PRLH: variants seen among roughly 807,000 people sequenced by gnomAD.
PRLH encodes the protein prolactin releasing hormone.
In PRLH, 6 loss-of-function variants were observed where a neutral mutation model predicts 3.2. That is an observed-to-expected ratio of 1.86 (90% CI 1.02 to 3.66). The LOEUF is 3.66. Ranked by LOEUF, PRLH falls within the 30% of genes most tolerant of loss-of-function variation. The pLI is 0.00. For missense variants in PRLH, 145 were observed against 122.6 expected (o/e 1.18, Z -0.86); for synonymous variants, 65 against 51.1 (o/e 1.27, Z -1.16).
At position 237,566,599 on chromosome 2, in the gene PRLH, T is replaced by C. The variant is rs754878996; in HGVS notation, c.26T>C (p.Leu9Pro). ...ATGAAGGTGCTGAGGGCCTGGCTCC[T>C]GTGCCTGCTGATGCTGGGCCTGGCC... Reference protein sequence around the residue: MKVLRAWLLCLLMLGLALR... With the variant: MKVLRAWLPCLLMLGLALR... The change falls in exon 1 of 2, where the codon CTG becomes CCG. Residue 9 changes from leucine to proline, a missense_variant. Leu to Pro is a moderately conservative substitution (Grantham distance 98). Transcript: ENST00000165524. 2 of 1,579,406 alleles carry C rather than the reference T, an allele frequency of 1.3e-6. No individual in the cohort carries two copies. The highest frequency in any genetic ancestry group is 1.7e-6 in the Non-Finnish European group (2 of 1,164,132).
At chr2:237,566,781 G>A (rs978317298) in intron 1 of PRLH, 108 bp downstream of exon 1, 3 of 1,231,258 alleles carry the variant, frequency 2.4e-6, no homozygotes, top group African/African-American at 3.0e-5. Flanking sequence ...TGCGCGGGAG[G>A]AAAGGGAAGT....
chr2:237,566,864 C>T (rs2081194905), intron 1 of PRLH, 148 bp from the exon 2 acceptor site: 1 of 1,281,614 alleles, frequency 7.8e-7, no homozygotes, highest in Non-Finnish European at 1.1e-6. Flanking sequence ...GCCAGAACCT[C>T]TGGGTGCCTG....
intron 1 of PRLH, 43 bp from the exon 2 acceptor site, chr2:237,566,969 G>A (rs752546482): frequency 1.9e-6 from 3 of 1,609,022 alleles, no homozygotes; most frequent in Non-Finnish European, 2.5e-6. Flanking sequence ...AGCACACCCT[G>A]GGGACACGTG....
rs779919303 is a variant in PRLH, at chr2:237,567,121, C to T, written c.210C>T (p.Pro70=). 3.7e-6 allele frequency: 6 copies of T among 1,614,024 alleles called. No individual in the cohort carries two copies. The highest frequency in any genetic ancestry group is 3.3e-5 in the South Asian group (3 of 91,060). The change falls in exon 2 of 2, where the codon CCC becomes CCT. Residue 70 remains proline, a synonymous_variant. Transcript: ENST00000165524. ...ACGTCCCCAAGCCTGGCCTGCGACC[C>T]CGGCTGACCTGCTTCCCCCTGGAAG... ...LGDVPKPGLR[P]RLTCFPLEGG... is the part of the protein sequence containing the mutation.
Position 237,566,692 on chromosome 2 carries a change from G to C in PRLH, c.100+19G>C. 1 of 1,545,352 alleles carries C rather than the reference G, an allele frequency of 6.5e-7. No homozygotes were observed. Among genetic ancestry groups the C allele is most frequent in the Non-Finnish European group, 8.7e-7 (1 of 1,146,084 alleles). ...ATCCGCAGTGAGTGCCTGGACCCCT[G>C]TCAGCCTCCCTTACCCCACCCTGCC... On this transcript the variant is annotated intron_variant, in intron 1 of 1. Transcript: ENST00000165524.
rs568386891 is a variant in PRLH, at chr2:237,567,079, G to A, written c.168G>A (p.Arg56=). The A allele has an allele frequency of 1.5e-5, 25 of 1,614,126 alleles. No homozygotes were observed. In the African/African-American group the frequency reaches 2.0e-4, roughly 13 times the overall value. ...GIRPVGRFGR[R]RATLGDVPKP... is the part of the protein sequence containing the mutation. The stretch of plus-strand genomic sequence containing the variant: ...GGCCTGTGGGCCGCTTCGGTCGGAG[G>A]AGGGCAACCCTGGGGGACGTCCCCA... Residue 56 remains arginine, a synonymous_variant, in exon 2 of 2, where the codon AGG becomes AGA. Coordinates refer to ENST00000165524, the MANE Select transcript of PRLH (RefSeq NM_015893.1).
rs1247526851 is a variant in PRLH, at chr2:237,566,638, C to T, written c.65C>T (p.Ala22Val). The part of the protein sequence containing the change: ...LMLGLALRGA[A>V]SRTHRHSMEI... ...CTGGGCCTGGCCCTGCGGGGAGCTGCAAGTCGTACCCATCGGCACTCCATG... is the reference window on the plus strand; with the variant it reads ...CTGGGCCTGGCCCTGCGGGGAGCTGTAAGTCGTACCCATCGGCACTCCATG... The change falls in exon 1 of 2, where the codon GCA becomes GTA. Residue 22 changes from alanine (A) to valine (V), a missense_variant. By Grantham distance (64) the Ala-to-Val change is moderately conservative. Transcript: ENST00000165524. 1.9e-6 allele frequency: 3 copies of T among 1,572,636 alleles called. No homozygotes were observed. The African/African-American group carries it at 4.0e-5, about 21-fold the overall frequency.
At position 237,566,607 on chromosome 2, in the gene PRLH, C is replaced by T. The variant is rs146528502; in HGVS notation, c.34C>T (p.Leu12=). ...KVLRAWLLCL[L]MLGLALRGAA... is the part of the protein sequence containing the mutation. ...GCTGAGGGCCTGGCTCCTGTGCCTGCTGATGCTGGGCCTGGCCCTGCGGGG... is the reference window on the plus strand; with the variant it reads ...GCTGAGGGCCTGGCTCCTGTGCCTGTTGATGCTGGGCCTGGCCCTGCGGGG... Residue 12 remains leucine (L), a synonymous_variant, in exon 1 of 2, where the codon CTG becomes TTG. Transcript: ENST00000165524. 4 of 1,581,240 alleles carry T rather than the reference C, an allele frequency of 2.5e-6. No homozygotes were observed. The highest frequency in any genetic ancestry group is 3.4e-6 in the Non-Finnish European group (4 of 1,165,150).
intron 1 of PRLH, 53 bp from the exon 2 acceptor site, chr2:237,566,959 A>T: frequency 6.2e-7 from 1 of 1,606,192 alleles, no homozygotes; most frequent in South Asian, 1.1e-5. Flanking sequence ...CTGGGAGCAC[A>T]GCACACCCTG....
rs773211005 is a variant in PRLH, at chr2:237,567,026, C to G, written c.115C>G (p.Pro39Ala). The part of the protein sequence containing the change: ...SMEIRTPDIN[P>A]AWYASRGIRP... ...TTCCTTTCCAGCCCCTGACATCAAT[C>G]CTGCCTGGTACGCCAGTCGCGGGAT... The change falls in exon 2 of 2, where the codon CCT becomes GCT. Residue 39 changes from proline to alanine, a missense_variant. Coordinates refer to ENST00000165524, the MANE Select transcript of PRLH (RefSeq NM_015893.1). 1.5e-5 allele frequency: 25 copies of G among 1,613,980 alleles called. No homozygotes were observed. Among genetic ancestry groups the G allele is most frequent in the Non-Finnish European group, 2.0e-5 (24 of 1,180,000 alleles).
chr2:237,567,035 T>C lies in PRLH; in HGVS notation c.124T>C (p.Tyr42His), dbSNP rs776696083. ...IRTPDINPAW[Y>H]ASRGIRPVGR... is the part of the protein sequence containing the mutation. ...AGCCCCTGACATCAATCCTGCCTGG[T>C]ACGCCAGTCGCGGGATCAGGCCTGT... The change falls in exon 2 of 2, where the codon TAC (tyrosine) becomes CAC (histidine). Residue 42 changes from tyrosine (Y) to histidine (H), a missense_variant. By Grantham distance (83) the Tyr-to-His change is moderately conservative. Transcript: ENST00000165524. 6.2e-7 allele frequency: 1 copy of C among 1,614,098 alleles called. No individual in the cohort carries two copies. The highest frequency in any genetic ancestry group is 1.7e-5 in the Admixed American group (1 of 60,024).
At position 237,567,103 on chromosome 2, in the gene PRLH, C is replaced by G; in HGVS notation, c.192C>G (p.Pro64=). The part of the protein sequence containing the change: ...GRRRATLGDV[P]KPGLRPRLTC... Reference sequence around the variant, plus strand: ...GGAGGGCAACCCTGGGGGACGTCCCCAAGCCTGGCCTGCGACCCCGGCTGA... The same window carrying G: ...GGAGGGCAACCCTGGGGGACGTCCCGAAGCCTGGCCTGCGACCCCGGCTGA... Residue 64 remains proline, a synonymous_variant, in exon 2 of 2, where the codon CCC becomes CCG. Transcript: ENST00000165524. The G allele has an allele frequency of 6.2e-7, 1 of 1,614,098 alleles. No homozygotes were observed. Among genetic ancestry groups the G allele is most frequent in the Non-Finnish European group, 8.5e-7 (1 of 1,180,002 alleles).
chr2:237,567,160 G>A lies in PRLH; in HGVS notation c.249G>A (p.Ser83=), dbSNP rs1479230954. 1 of 1,608,864 alleles carries A rather than the reference G, an allele frequency of 6.2e-7. No individual in the cohort carries two copies. The highest frequency in any genetic ancestry group is 8.5e-7 in the Non-Finnish European group (1 of 1,176,118). Residue 83 remains serine (S), a synonymous_variant, in exon 2 of 2, where the codon TCG becomes TCA. Coordinates refer to ENST00000165524, the MANE Select transcript of PRLH (RefSeq NM_015893.1). ...TCCCCCTGGAAGGCGGTGCTATGTCGTCCCAGGATGGCTGACAGCCAGCTT... is the reference window on the plus strand; with the variant it reads ...TCCCCCTGGAAGGCGGTGCTATGTCATCCCAGGATGGCTGACAGCCAGCTT... The part of the protein sequence containing the change: ...TCFPLEGGAM[S]SQDG
In PRLH at chr2:237,566,631, G is replaced by T; in HGVS notation, c.58G>T (p.Gly20Ter). Residue 20 changes from glycine to a stop codon, truncating the protein, a stop_gained, in exon 1 of 2, where the codon GGA becomes TGA. Transcript: ENST00000165524. LOFTEE classifies it low-confidence loss of function (END_TRUNC). ...CLLMLGLALR[G>*]AASRTHRHSM... ...GCTGATGCTGGGCCTGGCCCTGCGG[G>T]GAGCTGCAAGTCGTACCCATCGGCA... is the stretch of plus-strand genomic sequence containing the variant. 1 of 1,576,258 alleles carries T rather than the reference G, an allele frequency of 6.3e-7. No homozygotes were observed.
chr2:237,567,047 G>C lies in PRLH; in HGVS notation c.136G>C (p.Gly46Arg). The stretch of plus-strand genomic sequence containing the variant: ...CAATCCTGCCTGGTACGCCAGTCGC[G>C]GGATCAGGCCTGTGGGCCGCTTCGG... ...DINPAWYASR[G>R]IRPVGRFGRR... Residue 46 changes from glycine to arginine, a missense_variant, in exon 2 of 2, where the codon GGG (glycine) becomes CGG (arginine). Coordinates refer to ENST00000165524, the MANE Select transcript of PRLH (RefSeq NM_015893.1). 6.2e-7 allele frequency: 1 copy of C among 1,614,130 alleles called. No homozygotes were observed. Among genetic ancestry groups the C allele is most frequent in the Non-Finnish European group, 8.5e-7 (1 of 1,180,004 alleles).
chr2:237,566,785 G>A (rs2081194659), intron 1 of PRLH, 112 bp downstream of exon 1: 2 of 1,214,438 alleles, frequency 1.6e-6, no homozygotes, highest in South Asian at 1.4e-5. Context: ...CGGGAGGAAA[G>A]GGAAGTCAGT....
chr2:237,567,137 C>T lies in PRLH; in HGVS notation c.226C>T (p.Pro76Ser), dbSNP rs771617955. Residue 76 changes from proline to serine, a missense_variant, in exon 2 of 2, where the codon CCC (proline) becomes TCC (serine). Pro to Ser is a moderately conservative substitution (Grantham distance 74, BLOSUM62 -1). Coordinates refer to ENST00000165524, the MANE Select transcript of PRLH (RefSeq NM_015893.1). ...CCTGCGACCCCGGCTGACCTGCTTC[C>T]CCCTGGAAGGCGGTGCTATGTCGTC... ...PGLRPRLTCFPLEGGAMSSQD... is the reference protein window; with the variant it reads ...PGLRPRLTCFSLEGGAMSSQD... 1 of 1,613,870 alleles carries T rather than the reference C, an allele frequency of 6.2e-7. No homozygotes were observed. The highest frequency in any genetic ancestry group is 8.5e-7 in the Non-Finnish European group (1 of 1,179,884).
chr2:237,567,058 T>C lies in PRLH; in HGVS notation c.147T>C (p.Pro49=), dbSNP rs750043248. The C allele has an allele frequency of 1.2e-6, 2 of 1,614,028 alleles. No homozygotes were observed. The highest frequency in any genetic ancestry group is 1.7e-6 in the Non-Finnish European group (2 of 1,180,006). Residue 49 remains proline (P), a synonymous_variant, in exon 2 of 2, where the codon CCT becomes CCC. Coordinates refer to ENST00000165524, the MANE Select transcript of PRLH (RefSeq NM_015893.1). ...PAWYASRGIR[P]VGRFGRRRAT... ...GGTACGCCAGTCGCGGGATCAGGCC[T>C]GTGGGCCGCTTCGGTCGGAGGAGGG...
At chr2:237,566,943 CT>C (rs1355842354) in intron 1 of PRLH, 68 bp from the exon 2 acceptor site, 10 of 1,594,242 alleles carry the variant, frequency 6.3e-6, no homozygotes, top group African/African-American at 1.3e-5. Context: ...CTCTGCCCCG[CT>C]GCCTCTGGGA....
Sources: gnomAD v4.1 joint callset for allele counts on GRCh38, gnomAD v4.1.1 for gene constraint, MANE v1.5 for transcripts, NCBI Gene and HGNC (gene_info 2026-07-23, HGNC 2026-07-21) for gene names.